ASTN2: variants seen among roughly 807,000 people sequenced by gnomAD.
ASTN2 encodes astrotactin 2.
Under a neutral mutation model 139.8 loss-of-function variants are expected in ASTN2, and 54 were observed. That is an observed-to-expected ratio of 0.39 (90% confidence interval 0.31 to 0.48). ASTN2 has a LOEUF of 0.48. Among genes scored for constraint, ASTN2 ranks in the 20% least tolerant of loss-of-function variants. ASTN2 has a pLI of 0.95. For synonymous variants in ASTN2, 756 were observed against 719.5 expected, an observed-to-expected ratio of 1.05 and a Z score of -0.81; for missense variants, 1,565 against 1,725.1, an observed-to-expected ratio of 0.91 and a Z score of 1.64.
intron 1 of ASTN2, among the ~76,000 whole-genome samples, chr9:117,338,108 C>T (rs1020073712): frequency 6.6e-6 from 1 of 152,168 alleles, no homozygotes; most frequent in Non-Finnish European, 1.5e-5. Flanking sequence ...TCCTCTCATC[C>T]TCACGGACAT....
At chr9:117,141,152 C>T (rs1386974342) in intron 4 of ASTN2, among the ~76,000 whole-genome samples, 174 bp downstream of exon 4, 1 of 152,160 alleles carries the variant, frequency 6.6e-6, no homozygotes, top group Non-Finnish European at 1.5e-5. Context: ...GAGAGGTTAG[C>T]TCTGGGTGTA....
intron 3 of ASTN2, among the ~76,000 whole-genome samples, chr9:117,198,772 C>T (rs1831599130): frequency 6.6e-6 from 1 of 152,152 alleles, no homozygotes; most frequent in Non-Finnish European, 1.5e-5. Context: ...AAAAGCATTC[C>T]TATTTCTCCA....
At chr9:117,025,360 C>T (rs193266691) in intron 6 of ASTN2, among the ~76,000 whole-genome samples, 261 of 152,276 alleles carry the variant, frequency 1.7e-3, no homozygotes, top group African/African-American at 5.9e-3. Context: ...CATGCCCCCC[C>T]TTTTGGGGTA....
At chr9:116,890,770 A>G (rs955506493) in intron 10 of ASTN2, among the ~76,000 whole-genome samples, 1 of 152,138 alleles carries the variant, frequency 6.6e-6, no homozygotes, top group Non-Finnish European at 1.5e-5. Context: ...TTCAGCTCCA[A>G]GAAGAGAAGT....
At chr9:116,948,916 C>T (rs995436372) in intron 10 of ASTN2, among the ~76,000 whole-genome samples, 1 of 148,786 alleles carries the variant, frequency 6.7e-6, no homozygotes, top group Non-Finnish European at 1.5e-5. Flanking sequence ...CTCAGCCTCC[C>T]GAGTAGCTGG....
intron 11 of ASTN2, among the ~76,000 whole-genome samples, chr9:116,851,471 CATCTATCTATCTATCTATCTATCT>C (rs58927400): frequency 4.7e-5 from 7 of 148,882 alleles, no homozygotes; most frequent in African/African-American, 9.9e-5. Context: ...AATTGCTAAA[CATCTATCTATCTATCTATCTATCT>C]ATCTATCTAT....
intron 13 of ASTN2, among the ~76,000 whole-genome samples, chr9:116,772,899 C>T (rs992362407): frequency 2.0e-5 from 3 of 152,146 alleles, no homozygotes; most frequent in South Asian, 2.1e-4. Context: ...TGAAAATACA[C>T]CAAATGGCAT....
intron 10 of ASTN2, among the ~76,000 whole-genome samples, chr9:116,927,805 TA>T (rs540086752): frequency 4.8e-4 from 73 of 152,334 alleles, no homozygotes; most frequent in Non-Finnish European, 9.4e-4. Context: ...CATGCTCACA[TA>T]AGTGTTCTTG....
chr9:116,986,997 G>T (rs1447249205), intron 7 of ASTN2, among the ~76,000 whole-genome samples: 1 of 152,210 alleles, frequency 6.6e-6, no homozygotes, highest in African/African-American at 2.4e-5. Context: ...GGTTCTGCAG[G>T]TATGAAGAAG....
At chr9:117,095,038 T>C (rs1383214341) in intron 5 of ASTN2, among the ~76,000 whole-genome samples, 1 of 152,180 alleles carries the variant, frequency 6.6e-6, no homozygotes, top group East Asian at 1.9e-4. Context: ...TCCTTCTCCC[T>C]ACCCCAGCTA....
At chr9:117,201,427 T>C (rs928567213) in intron 3 of ASTN2, among the ~76,000 whole-genome samples, 2 of 152,158 alleles carry the variant, frequency 1.3e-5, no homozygotes, top group African/African-American at 4.8e-5. Flanking sequence ...TTAATTGTGA[T>C]GTTAGGGTGT....
intron 16 of ASTN2, among the ~76,000 whole-genome samples, chr9:116,703,165 G>A (rs1030120489): frequency 2.6e-5 from 4 of 151,242 alleles, no homozygotes; most frequent in Admixed American, 2.6e-4. Context: ...TTTAATGATT[G>A]CCATTCTAAC....
intron 1 of ASTN2, among the ~76,000 whole-genome samples, chr9:117,393,080 C>T (rs1380311974): frequency 6.6e-6 from 1 of 152,188 alleles, no homozygotes; most frequent in African/African-American, 2.4e-5. Flanking sequence ...TCTGACCTCA[C>T]ATGAAAGCTA....
At chr9:116,652,299 C>T (rs1046137181) in intron 16 of ASTN2, among the ~76,000 whole-genome samples, 1 of 152,050 alleles carries the variant, frequency 6.6e-6, no homozygotes, top group African/African-American at 2.4e-5. Context: ...GCACACCAAC[C>T]TGGGCAAGAG....
At chr9:116,674,389 C>T (rs778350838) in intron 16 of ASTN2, among the ~76,000 whole-genome samples, 13 of 152,200 alleles carry the variant, frequency 8.5e-5, no homozygotes, top group South Asian at 4.1e-4. Context: ...CTGGCCCTGC[C>T]GGCATTTATT....
intron 13 of ASTN2, among the ~76,000 whole-genome samples, chr9:116,757,425 A>C (rs1003797183): frequency 6.6e-6 from 1 of 152,208 alleles, no homozygotes; most frequent in Non-Finnish European, 1.5e-5. Context: ...GAACATGCCC[A>C]TGGCTCAGGG....
intron 3 of ASTN2, among the ~76,000 whole-genome samples, chr9:117,209,021 A>G (rs1340873321): frequency 6.6e-6 from 1 of 152,204 alleles, no homozygotes; most frequent in African/African-American, 2.4e-5. Context: ...TGATCATGAA[A>G]ATATGCAAAA....
intron 19 of ASTN2, among the ~76,000 whole-genome samples, chr9:116,536,661 C>A (rs1851643622): frequency 6.6e-6 from 1 of 152,246 alleles, no homozygotes; most frequent in Non-Finnish European, 1.5e-5. Context: ...GCGGAGGCTG[C>A]AGAACATCGA....
chr9:117,079,186 C>T (rs1186756054), intron 5 of ASTN2, among the ~76,000 whole-genome samples: 4 of 152,080 alleles, frequency 2.6e-5, no homozygotes, highest in Non-Finnish European at 5.9e-5. Flanking sequence ...TAAGATCCTG[C>T]CTCTACAAAT....
Sources: gnomAD v4.1 joint callset for allele counts (sites outside exome capture counted in the v4.1 genomes callset) on GRCh38, gnomAD v4.1.1 for gene constraint, MANE v1.5 for transcripts, NCBI Gene and HGNC (gene_info 2026-07-23, HGNC 2026-07-21) for gene names.